The following ESRRB variants were observed in gnomAD, a reference collection of about 807,000 sequenced individuals.
The protein encoded by ESRRB is estrogen related receptor beta, also known as steroid hormone receptor ERR2.
ESRRB carries 16 observed loss-of-function variants against 46.0 expected under a neutral mutation model. The ratio of observed to expected loss-of-function variants is 0.35; its 90% CI spans 0.24 to 0.53. The LOEUF (loss-of-function observed/expected upper bound fraction) is 0.53. Ranked by LOEUF, ESRRB falls within the 20% of genes least tolerant of loss-of-function variation. The pLI is 0.93. For missense variants in ESRRB, 488 were observed against 607.4 expected (o/e 0.80, Z 2.07); for synonymous variants, 246 against 259.6 (o/e 0.95, Z 0.50).
upstream of ESRRB, among the ~76,000 whole-genome samples, chr14:76,372,902 C>T (rs1038670231): frequency 1.3e-5 from 2 of 152,172 alleles, no homozygotes; most frequent in African/African-American, 4.8e-5. Context: ...AATTCAGTGA[C>T]CACAGATGGA....
chr14:76,340,758 G>C (rs1884182672), intron 1 of ESRRB, among the ~76,000 whole-genome samples: 1 of 152,168 alleles, frequency 6.6e-6, no homozygotes, highest in South Asian at 2.1e-4. Flanking sequence ...CATGAGGGAG[G>C]ACAAATCTGG....
At chr14:76,360,939 G>T (rs972410226) in intron 1 of ESRRB, among the ~76,000 whole-genome samples, 2 of 152,182 alleles carry the variant, frequency 1.3e-5, no homozygotes, top group Admixed American at 6.5e-5. Context: ...GCCTCTGACT[G>T]TGAGCTAACA....
chr14:76,437,438 G>A (rs1887720992), intron 1 of ESRRB, among the ~76,000 whole-genome samples: 1 of 152,218 alleles, frequency 6.6e-6, no homozygotes, highest in African/African-American at 2.4e-5. Context: ...ATTTGGCCAT[G>A]GGTTGCAAGA....
At chr14:76,400,564 T>C (rs1185798258) in intron 1 of ESRRB, among the ~76,000 whole-genome samples, 1 of 152,242 alleles carries the variant, frequency 6.6e-6, no homozygotes, top group Non-Finnish European at 1.5e-5. Flanking sequence ...CCACGTTTTA[T>C]GTTCTCACTT....
At chr14:76,369,116 G>T (rs1415801677), upstream of ESRRB, among the ~76,000 whole-genome samples, 1 of 150,396 alleles carries the variant, frequency 6.6e-6, no homozygotes, top group East Asian at 2.0e-4. Flanking sequence ...AGAATCGCTT[G>T]AACCAGGGAG....
chr14:76,328,557 C>G (rs1883965022), intron 1 of ESRRB, among the ~76,000 whole-genome samples: 1 of 151,052 alleles, frequency 6.6e-6, no homozygotes, highest in Non-Finnish European at 1.5e-5. Flanking sequence ...CCACACACCT[C>G]CCAGGGCTCA....
At chr14:76,418,315 C>A (rs777470350) in intron 1 of ESRRB, among the ~76,000 whole-genome samples, 38 of 152,084 alleles carry the variant, frequency 2.5e-4, no homozygotes, top group Admixed American at 4.6e-4. Flanking sequence ...AGAAAAATTG[C>A]CAAGATAGTG....
At chr14:76,316,148 G>T (rs561152776) in intron 1 of ESRRB, among the ~76,000 whole-genome samples, 2 of 152,142 alleles carry the variant, frequency 1.3e-5, no homozygotes, top group African/African-American at 4.8e-5. Flanking sequence ...CTCTTGACAC[G>T]ATCACTTGAC....
rs532926293 is a variant in ESRRB, at chr14:76,313,487, C to T, written c.2+2571C>T. Among the ~76,000 whole-genome samples, 35 of 152,236 alleles carry T rather than the reference C, an allele frequency of 2.3e-4. 1 individual carries two copies. The highest frequency in any genetic ancestry group is 8.3e-4 in the South Asian group (4 of 4,826). ...TTTTATGGGTTCCCCCCACCGCCCT[C>T]GAACACATAGGAATCCAGTCCTGAC... is the stretch of plus-strand genomic sequence containing the variant. On this transcript the variant is annotated intron_variant, in intron 1 of 6. Transcript: ENST00000512784.
chr14:76,345,739 G>T (rs1884242137), intron 1 of ESRRB, among the ~76,000 whole-genome samples: 1 of 152,194 alleles, frequency 6.6e-6, no homozygotes, highest in Admixed American at 6.5e-5. Flanking sequence ...ACTTGCCCTG[G>T]CTGCTCTGTA....
chr14:76,373,756 T>C (rs1488265368), upstream of ESRRB, among the ~76,000 whole-genome samples: 1 of 152,206 alleles, frequency 6.6e-6, no homozygotes, highest in Non-Finnish European at 1.5e-5. Context: ...CTCTAGGAGT[T>C]CATTCCTGCC....
In ESRRB at chr14:76,482,609, G is replaced by T; in HGVS notation, c.700G>T (p.Val234Phe). The T allele has an allele frequency of 1.2e-6, 2 of 1,613,614 alleles. No individual in the cohort carries two copies. Among genetic ancestry groups the T allele is most frequent in the Non-Finnish European group, 1.7e-6 (2 of 1,179,776 alleles). ...PPAKKPLTKI[V>F]SYLLVAEPDK... is the part of the protein sequence containing the mutation. Reference sequence around the variant, plus strand: ...TTTGGTTGTTGCAGTGACCAAGATTGTCTCATACCTACTGGTGGCTGAGCC... The same window carrying T: ...TTTGGTTGTTGCAGTGACCAAGATTTTCTCATACCTACTGGTGGCTGAGCC... Residue 234 changes from valine to phenylalanine, a missense_variant, in exon 5 of 7, where the codon GTC (valine) becomes TTC (phenylalanine). By Grantham distance (50) the Val-to-Phe change is conservative. Coordinates refer to ENST00000644823, the MANE Select transcript of ESRRB (RefSeq NM_001379180.1). This position sits in a 1 kb window ranked among gnomAD's most constrained non-coding sequence, Gnocchi z 4.3.
At chr14:76,453,997 A>T (rs1368012456) in intron 2 of ESRRB, among the ~76,000 whole-genome samples, 1 of 152,212 alleles carries the variant, frequency 6.6e-6, no homozygotes, top group Non-Finnish European at 1.5e-5. Flanking sequence ...AGGCGACTAA[A>T]AAAACAAAAG....
intron 1 of ESRRB, among the ~76,000 whole-genome samples, chr14:76,319,920 A>G (rs1229820659): frequency 6.6e-6 from 1 of 152,170 alleles, no homozygotes; most frequent in Non-Finnish European, 1.5e-5. Context: ...CCATTTATAT[A>G]AGATTTTAAA....
intron 1 of ESRRB, among the ~76,000 whole-genome samples, chr14:76,435,223 A>G (rs1887623929): frequency 6.6e-6 from 1 of 152,238 alleles, no homozygotes; most frequent in African/African-American, 2.4e-5. Context: ...ATTTCAACCC[A>G]GAAAAGAAGC....
chr14:76,474,055 A>G lies in ESRRB; in HGVS notation c.578-7961A>G, dbSNP rs185447216. Among the ~76,000 whole-genome samples the G allele has an allele frequency of 3.0e-4, 46 of 152,384 alleles. 1 individual carries two copies. Among genetic ancestry groups the G allele is most frequent in the African/African-American group, 1.1e-3 (45 of 41,600 alleles). ...TGGAACCTCTGTTCTCAAGTTGGACAAAGGCAGCCATCAGACCCACTGGCA... is the reference window on the plus strand; with the variant it reads ...TGGAACCTCTGTTCTCAAGTTGGACGAAGGCAGCCATCAGACCCACTGGCA... On this transcript the variant is annotated intron_variant, in intron 3 of 6. Coordinates refer to ENST00000644823, the MANE Select transcript of ESRRB (RefSeq NM_001379180.1).
intron 6 of ESRRB, 60 bp from the exon 7 acceptor site, chr14:76,498,154 C>G: frequency 6.2e-7 from 1 of 1,607,254 alleles, no homozygotes; most frequent in Non-Finnish European, 8.5e-7. Flanking sequence ...CCCAAGATGG[C>G]CCCCACACCA....
intron 1 of ESRRB, among the ~76,000 whole-genome samples, chr14:76,418,213 C>T (rs1224076201): frequency 6.6e-6 from 1 of 152,122 alleles, no homozygotes; most frequent in African/African-American, 2.4e-5. Flanking sequence ...CCTCAACCTC[C>T]CAAAGTGCTG....
At chr14:76,443,819 CTTAA>C (rs1172713599) in intron 2 of ESRRB, among the ~76,000 whole-genome samples, 1 of 152,162 alleles carries the variant, frequency 6.6e-6, no homozygotes, top group Non-Finnish European at 1.5e-5. Flanking sequence ...CGTAAATAGT[CTTAA>C]TTATTTGCTA....
Sources: gnomAD v4.1 joint callset for allele counts (sites outside exome capture counted in the v4.1 genomes callset) on GRCh38, gnomAD v4.1.1 for gene constraint, Gnocchi (gnomAD v3.1) non-coding constraint, MANE v1.5 for transcripts, NCBI Gene and HGNC (gene_info 2026-07-23, HGNC 2026-07-21) for gene names.